Variants in SPATA17 observed in about 807,000 individuals in gnomAD.
SPATA17 encodes the protein spermatogenesis-associated protein 17.
A neutral mutation model predicts 62.2 loss-of-function variants in SPATA17; 53 were observed. That is an observed-to-expected ratio of 0.85 (90% CI 0.68 to 1.07). The LOEUF (loss-of-function observed/expected upper bound fraction) is 1.07. Among genes scored for constraint, SPATA17 ranks in the 50% least tolerant of loss-of-function variants. SPATA17 has a pLI of 0.00. For synonymous variants in SPATA17, 146 were observed against 146.8 expected (o/e 0.99, Z 0.04); for missense variants, 466 against 425.5 (o/e 1.10, Z -0.84).
chr1:217,701,660 T>C (rs180679729), intron 5 of SPATA17, among the ~76,000 whole-genome samples: 1 of 152,282 alleles, frequency 6.6e-6, no homozygotes, highest in African/African-American at 2.4e-5. Context: ...GTGCTGTGAC[T>C]AGAGGTGTGA....
At chr1:217,796,000 G>A (rs953377410) in intron 8 of SPATA17, among the ~76,000 whole-genome samples, 6 of 151,826 alleles carry the variant, frequency 4.0e-5, no homozygotes, top group African/African-American at 7.3e-5. Flanking sequence ...GTTTCACCAC[G>A]TTGCCGAAGC....
chr1:217,720,906 A>C (rs1292171383), intron 5 of SPATA17, among the ~76,000 whole-genome samples: 1 of 152,148 alleles, frequency 6.6e-6, no homozygotes, highest in Non-Finnish European at 1.5e-5. Context: ...GAGTTCTGTG[A>C]GATATTTTGG....
At chr1:217,759,688 G>A (rs1402063195) in intron 6 of SPATA17, among the ~76,000 whole-genome samples, 1 of 152,130 alleles carries the variant, frequency 6.6e-6, no homozygotes, top group African/African-American at 2.4e-5. Context: ...AGACGGAATA[G>A]GGGCTCCACA....
At chr1:217,702,155 G>C (rs917197496) in intron 5 of SPATA17, among the ~76,000 whole-genome samples, 1 of 151,908 alleles carries the variant, frequency 6.6e-6, no homozygotes, top group Non-Finnish European at 1.5e-5. Flanking sequence ...ACATGTTTAA[G>C]TGTTCTATAA....
rs938656221 is a variant in SPATA17 at position 217,846,376 on chromosome 1, A to G, written c.1006-16398A>G. Among the ~76,000 whole-genome samples, 5 of 152,044 alleles carry G rather than the reference A, an allele frequency of 3.3e-5. No individual in the cohort carries two copies. In the East Asian group the frequency reaches 7.7e-4, roughly 23 times the overall value. On this transcript the variant is annotated intron_variant, in intron 9 of 10. Coordinates refer to ENST00000366933, the MANE Select transcript of SPATA17 (RefSeq NM_138796.4). Reference sequence around the variant, plus strand: ...TATGTTCATGATAAAGTAGAGTTTCAATGTGATTTCAATATGAAACAATTC... The same window carrying G: ...TATGTTCATGATAAAGTAGAGTTTCGATGTGATTTCAATATGAAACAATTC...
chr1:217,676,725 A>G (rs1278296551), intron 4 of SPATA17, among the ~76,000 whole-genome samples: 1 of 152,124 alleles, frequency 6.6e-6, no homozygotes, highest in Non-Finnish European at 1.5e-5. Flanking sequence ...GAACAACTGG[A>G]GCAATATCAC....
At chr1:217,636,676 G>A (rs879568846) in intron 1 of SPATA17, among the ~76,000 whole-genome samples, 6 of 152,064 alleles carry the variant, frequency 3.9e-5, no homozygotes, top group Admixed American at 3.3e-4. Context: ...TGCCCACCTC[G>A]GCCTCCCAAA....
intron 2 of SPATA17, among the ~76,000 whole-genome samples, chr1:217,650,689 G>A (rs1220600609): frequency 6.6e-6 from 1 of 152,172 alleles, no homozygotes; most frequent in Admixed American, 6.5e-5. Flanking sequence ...CTCCCAAAGT[G>A]CTGGGATTAC....
Position 217,698,038 on chromosome 1 carries a change from G to A in SPATA17, c.395+14677G>A, listed in dbSNP as rs549672917. On this transcript the variant is annotated intron_variant, in intron 5 of 10. Transcript: ENST00000366933. ...AGACCAGGAGTGGTGGCTCACGCCT[G>A]TAATCTCAGCATTTTGGGAGGCCAA... Among the ~76,000 whole-genome samples the A allele has an allele frequency of 1.2e-4, 19 of 152,208 alleles. No homozygotes were observed. In the South Asian group the frequency reaches 3.7e-3, roughly 30 times the overall value.
intron 9 of SPATA17, among the ~76,000 whole-genome samples, chr1:217,862,349 T>C (rs898363212): frequency 1.3e-5 from 2 of 152,194 alleles, no homozygotes; most frequent in Non-Finnish European, 2.9e-5. Context: ...TCTGAGGTAA[T>C]AAAAATAGTC....
At chr1:217,733,176 C>T in intron 5 of SPATA17, among the ~76,000 whole-genome samples, 1 of 152,098 alleles carries the variant, frequency 6.6e-6, no homozygotes. Flanking sequence ...CCATTATCAT[C>T]TTTTATACTT....
chr1:217,782,613 G>T (rs1261638248), intron 8 of SPATA17, among the ~76,000 whole-genome samples: 1 of 152,046 alleles, frequency 6.6e-6, no homozygotes, highest in African/African-American at 2.4e-5. Flanking sequence ...TATCTATAGT[G>T]AAAGCATACA....
At chr1:217,755,087 A>C (rs1288827100) in intron 6 of SPATA17, among the ~76,000 whole-genome samples, 2 of 152,136 alleles carry the variant, frequency 1.3e-5, no homozygotes, top group Non-Finnish European at 2.9e-5. Context: ...AAATACACAG[A>C]AAGTTTGCTT....
chr1:217,747,769 C>T (rs1672798372), intron 6 of SPATA17, among the ~76,000 whole-genome samples: 1 of 152,022 alleles, frequency 6.6e-6, no homozygotes, highest in African/African-American at 2.4e-5. Context: ...AAATAATTTT[C>T]ATGTCATAAT....
intron 5 of SPATA17, among the ~76,000 whole-genome samples, chr1:217,733,604 AC>A (rs1672445983): frequency 1.3e-5 from 2 of 152,166 alleles, no homozygotes; most frequent in South Asian, 4.1e-4. Flanking sequence ...TACGGTTTAA[AC>A]GTCTTTATTT....
At chr1:217,753,062 G>A (rs1004147235) in intron 6 of SPATA17, among the ~76,000 whole-genome samples, 28 of 152,114 alleles carry the variant, frequency 1.8e-4, no homozygotes, top group Admixed American at 8.5e-4. Context: ...CCCAACCCAC[G>A]GGGAAGTGTG....
At chr1:217,800,170 A>T (rs1454857585) in intron 8 of SPATA17, among the ~76,000 whole-genome samples, 1 of 152,182 alleles carries the variant, frequency 6.6e-6, no homozygotes, top group African/African-American at 2.4e-5. Flanking sequence ...AGTTTATATT[A>T]AAAGGGAAAA....
chr1:217,842,728 G>T (rs1675438649), intron 9 of SPATA17, among the ~76,000 whole-genome samples: 1 of 151,806 alleles, frequency 6.6e-6, no homozygotes, highest in African/African-American at 2.4e-5. Context: ...CGCTTTGTTA[G>T]TTTTTTCATG....
At chr1:217,708,997 T>C (rs892950857) in intron 5 of SPATA17, among the ~76,000 whole-genome samples, 5 of 152,068 alleles carry the variant, frequency 3.3e-5, no homozygotes, top group Admixed American at 6.5e-5. Flanking sequence ...CCCTTCATGA[T>C]AAAAATCTTC....
Sources: gnomAD v4.1 joint callset for allele counts (sites outside exome capture counted in the v4.1 genomes callset) on GRCh38, gnomAD v4.1.1 for gene constraint, MANE v1.5 for transcripts, NCBI Gene and HGNC (gene_info 2026-07-23, HGNC 2026-07-21) for gene names.